The following RAB30 variants were observed in gnomAD, a reference collection of about 807,000 sequenced individuals.
RAB30 encodes ras-related protein Rab-30.
In RAB30, 9 loss-of-function variants were observed where a neutral mutation model predicts 25.1. The observed-to-expected ratio is 0.36, with a 90% CI of 0.22 to 0.63. RAB30 has a LOEUF of 0.63. Among genes scored for constraint, RAB30 ranks in the 20% least tolerant of loss-of-function variants. RAB30 has a pLI of 0.69. For synonymous variants in RAB30, 77 were observed against 86.4 expected, an observed-to-expected ratio of 0.89 and a Z score of 0.60; for missense variants, 140 against 243.5, an observed-to-expected ratio of 0.58 and a Z score of 2.83.
At chr11:83,016,704 T>C (rs1005318110) in intron 1 of RAB30, among the ~76,000 whole-genome samples, 1 of 152,200 alleles carries the variant, frequency 6.6e-6, no homozygotes, top group Non-Finnish European at 1.5e-5. Context: ...GACCGTAATA[T>C]ATACAACAGC....
chr11:83,047,896 C>T (rs887519029), intron 1 of RAB30, among the ~76,000 whole-genome samples: 38 of 152,168 alleles, frequency 2.5e-4, no homozygotes, highest in African/African-American at 8.4e-4. Context: ...CATTGTCATA[C>T]TGTTACGTAT....
At chr11:82,990,994 A>G (rs1856839291) in intron 3 of RAB30, among the ~76,000 whole-genome samples, 2 of 152,068 alleles carry the variant, frequency 1.3e-5, no homozygotes, top group South Asian at 4.1e-4. Flanking sequence ...CCTGCCTTCA[A>G]TCCTGGGAGC....
intron 1 of RAB30, among the ~76,000 whole-genome samples, chr11:83,027,001 A>G (rs1290179247): frequency 2.0e-5 from 3 of 152,178 alleles, no homozygotes; most frequent in Non-Finnish European, 4.4e-5. Context: ...GAGCAGGCGT[A>G]TAGGATGCTA....
intron 1 of RAB30, among the ~76,000 whole-genome samples, chr11:83,067,822 T>C (rs1858738829): frequency 6.6e-6 from 1 of 152,058 alleles, no homozygotes; most frequent in African/African-American, 2.4e-5. Flanking sequence ...TGAAACCCCA[T>C]CTCTACTAAA....
In RAB30 at chr11:82,979,329, A is replaced by C. The variant is rs1856600616; in HGVS notation, c.*2836T>G. On this transcript the variant is annotated 3_prime_UTR_variant, in exon 5 of 5. Coordinates refer to ENST00000527633, the MANE Select transcript of RAB30 (RefSeq NM_001286060.2). ...AAAAGATCACACCAAAAATGGAGGA[A>C]TACATCAACCCTGGTGGTCTTAGTA... 6.6e-6 allele frequency: 1 copy of C among 152,224 alleles called. No individual in the cohort carries two copies. Among genetic ancestry groups the C allele is most frequent in the Non-Finnish European group, 1.5e-5 (1 of 68,028 alleles). 9.4% of individuals were successfully genotyped at this position (152,224 alleles called of 1,614,324 possible). A position where few individuals can be genotyped will look rare whatever the true frequency, so the allele number is the denominator to read the frequency against.
At chr11:83,045,624 T>A (rs1208503895) in intron 1 of RAB30, among the ~76,000 whole-genome samples, 1 of 152,204 alleles carries the variant, frequency 6.6e-6, no homozygotes, top group African/African-American at 2.4e-5. Flanking sequence ...TACCACTTAT[T>A]GGCTTGGTGG....
intron 1 of RAB30, among the ~76,000 whole-genome samples, chr11:83,051,119 A>G (rs1161733969): frequency 1.3e-5 from 2 of 152,158 alleles, no homozygotes; most frequent in Admixed American, 1.3e-4. Flanking sequence ...CCACTTTCAG[A>G]CCTGGCCCAT....
At chr11:82,996,069 T>G (rs994545668) in intron 2 of RAB30, among the ~76,000 whole-genome samples, 9 of 152,244 alleles carry the variant, frequency 5.9e-5, no homozygotes, top group African/African-American at 2.2e-4. Flanking sequence ...CCATGGCAGT[T>G]GACTGAGCCC....
At chr11:83,039,286 A>T (rs1201712334) in intron 1 of RAB30, among the ~76,000 whole-genome samples, 1 of 152,260 alleles carries the variant, frequency 6.6e-6, no homozygotes, top group Non-Finnish European at 1.5e-5. Context: ...GAAAATGTCC[A>T]TCAATTTAAT....
intron 1 of RAB30, among the ~76,000 whole-genome samples, chr11:83,018,461 C>G (rs1857491545): frequency 6.6e-6 from 1 of 152,048 alleles, no homozygotes; most frequent in Admixed American, 6.6e-5. Flanking sequence ...AGCACTTTTT[C>G]ATGTTTATTG....
chr11:82,992,672 C>T (rs1856876230), intron 3 of RAB30, among the ~76,000 whole-genome samples: 1 of 151,454 alleles, frequency 6.6e-6, no homozygotes, highest in Non-Finnish European at 1.5e-5. Context: ...GGCTATCCTT[C>T]CTTTCCTTCC....
intron 1 of RAB30, among the ~76,000 whole-genome samples, chr11:82,997,751 A>G (rs1295099675): frequency 1.3e-5 from 2 of 152,230 alleles, no homozygotes; most frequent in Non-Finnish European, 2.9e-5. Context: ...TCTGGAAAGA[A>G]GTACTAGTGA....
intron 1 of RAB30, among the ~76,000 whole-genome samples, chr11:83,053,375 T>C (rs1381075141): frequency 6.6e-6 from 1 of 152,228 alleles, no homozygotes; most frequent in Non-Finnish European, 1.5e-5. Context: ...GGTTAGTGCC[T>C]AACTTTTGCC....
chr11:83,000,916 G>A (rs902584553), intron 1 of RAB30, among the ~76,000 whole-genome samples: 3 of 151,524 alleles, frequency 2.0e-5, no homozygotes, highest in South Asian at 2.1e-4. Context: ...GCGCAGTGGC[G>A]GGCGCCTGTA....
chr11:83,056,730 C>T (rs565081024), intron 1 of RAB30, among the ~76,000 whole-genome samples: 24 of 152,240 alleles, frequency 1.6e-4, no homozygotes, highest in Admixed American at 1.3e-3. Context: ...GCTAGTCATA[C>T]GATCTTAGGC....
intron 1 of RAB30, among the ~76,000 whole-genome samples, chr11:83,003,739 T>A (rs1425248634): frequency 6.6e-6 from 1 of 152,022 alleles, no homozygotes; most frequent in Non-Finnish European, 1.5e-5. Context: ...TTTCTTTATA[T>A]ACACTCGTGT....
chr11:82,997,527 T>C (rs1222547610), intron 1 of RAB30: 1 of 529,882 alleles, frequency 1.9e-6, no homozygotes, highest in African/African-American at 1.9e-5. Context: ...AGCTACCTCA[T>C]GCCACAGAGA....
intron 3 of RAB30, 117 bp downstream of exon 3, chr11:82,993,922 G>A: frequency 2.6e-6 from 2 of 782,908 alleles, no homozygotes; most frequent in Non-Finnish European, 4.2e-6. Context: ...TTATGGCTGA[G>A]TGCATTGTTT....
rs148939860 is a variant in RAB30, at chr11:83,024,598, AAAG to A, written c.-8-27277_-8-27275del. Among the ~76,000 whole-genome samples, 1,050 of 152,350 alleles carry A rather than the reference AAAG, an allele frequency of 6.9e-3. 18 individuals carry two copies. Among genetic ancestry groups the A allele is most frequent in the African/African-American group, 0.023 (944 of 41,574 alleles). Reference sequence around the variant, plus strand: ...TAGACAAGTGAAGGCAGTACAATTCAAAGAAGGAAAACATTGTATATCTCTGGG... The same window carrying A: ...TAGACAAGTGAAGGCAGTACAATTCAAAGGAAAACATTGTATATCTCTGGG... On this transcript the variant is annotated intron_variant, in intron 1 of 4. Transcript: ENST00000527633.
Sources: allele counts gnomAD v4.1 joint callset (sites outside exome capture counted in the v4.1 genomes callset), GRCh38; gene constraint gnomAD v4.1.1; transcripts MANE v1.5; gene names NCBI Gene and HGNC (gene_info 2026-07-23, HGNC 2026-07-21).